CFAP299: variants seen among roughly 807,000 people sequenced by gnomAD.
The protein encoded by CFAP299 is cilia- and flagella-associated protein 299.
CFAP299 carries 21 observed loss-of-function variants against 27.0 expected under a neutral mutation model. The observed-to-expected ratio is 0.78, with a 90% CI of 0.55 to 1.12. The LOEUF (loss-of-function observed/expected upper bound fraction) is 1.12. Ranked by LOEUF, CFAP299 falls within the 50% of genes most tolerant of loss-of-function variation. CFAP299 has a pLI of 0.00. For missense variants in CFAP299, 310 were observed against 276.6 expected (o/e 1.12, Z -0.86); for synonymous variants, 104 against 98.1 (o/e 1.06, Z -0.36).
chr4:80,482,035 A>G (rs1289873396), intron 2 of CFAP299, among the ~76,000 whole-genome samples: 1 of 152,044 alleles, frequency 6.6e-6, no homozygotes, highest in Non-Finnish European at 1.5e-5. Flanking sequence ...AAGGATTACT[A>G]TCTAAAACTG....
At chr4:80,515,685 A>G (rs1732549100) in intron 2 of CFAP299, among the ~76,000 whole-genome samples, 1 of 152,210 alleles carries the variant, frequency 6.6e-6, no homozygotes, top group Non-Finnish European at 1.5e-5. Flanking sequence ...ATTCCAATGC[A>G]TCATGGAATT....
chr4:80,594,519 T>C (rs1223254317), intron 3 of CFAP299, among the ~76,000 whole-genome samples: 8 of 152,192 alleles, frequency 5.3e-5, no homozygotes. Context: ...TTTTCTTTCC[T>C]CCTTGCCCTT....
chr4:80,386,362 A>G, intron 2 of CFAP299: 1 of 1,460,372 alleles, frequency 6.8e-7, no homozygotes, highest in Non-Finnish European at 9.3e-7. Context: ...AGCTCTGCGA[A>G]GGGCGGCTTG....
chr4:80,931,174 AGTG>A (rs1560481704), intron 4 of CFAP299, among the ~76,000 whole-genome samples: 5 of 151,958 alleles, frequency 3.3e-5, no homozygotes, highest in Non-Finnish European at 7.4e-5. Flanking sequence ...TGAGTGAGTG[AGTG>A]AGTGAGTGAG....
At chr4:80,609,846 A>G (rs972791498) in intron 3 of CFAP299, among the ~76,000 whole-genome samples, 4 of 151,994 alleles carry the variant, frequency 2.6e-5, no homozygotes, top group African/African-American at 9.7e-5. Flanking sequence ...AATTTTGTCC[A>G]GGAAAATAAT....
chr4:80,537,703 A>T (rs763177892), intron 2 of CFAP299, among the ~76,000 whole-genome samples: 35 of 152,096 alleles, frequency 2.3e-4, no homozygotes, highest in Admixed American at 4.6e-4. Context: ...GGGAGATGTT[A>T]GTTAAAAGGT....
At chr4:80,522,453 G>T (rs1732970907) in intron 2 of CFAP299, among the ~76,000 whole-genome samples, 1 of 152,014 alleles carries the variant, frequency 6.6e-6, no homozygotes, top group Non-Finnish European at 1.5e-5. Context: ...TCTGTAGGTT[G>T]CCCTTTGACT....
chr4:80,432,177 A>C (rs1471437961), intron 2 of CFAP299, among the ~76,000 whole-genome samples: 2 of 152,042 alleles, frequency 1.3e-5, no homozygotes, highest in East Asian at 3.9e-4. Context: ...TTTGAAATGG[A>C]GTCTTGCTGT....
At chr4:80,762,675 C>T (rs80125448) in intron 3 of CFAP299, among the ~76,000 whole-genome samples, 1,600 of 152,220 alleles carry the variant, frequency 0.011, 32 homozygotes, top group African/African-American at 0.035. Context: ...GAATAAAAGA[C>T]TCACTTCAGT....
At chr4:80,668,963 C>A (rs1210694242) in intron 3 of CFAP299, among the ~76,000 whole-genome samples, 2 of 151,704 alleles carry the variant, frequency 1.3e-5, no homozygotes, top group Non-Finnish European at 2.9e-5. Context: ...AATATCTTTC[C>A]AATTTTTTTG....
intron 2 of CFAP299, among the ~76,000 whole-genome samples, chr4:80,541,587 A>C (rs1346812190): frequency 6.6e-6 from 1 of 152,150 alleles, no homozygotes; most frequent in Non-Finnish European, 1.5e-5. Context: ...AGACCTACAT[A>C]GTCTTATATT....
chr4:80,595,230 G>T (rs1455154811), intron 3 of CFAP299, among the ~76,000 whole-genome samples: 1 of 151,950 alleles, frequency 6.6e-6, no homozygotes, highest in African/African-American at 2.4e-5. Context: ...TGCCAAGATT[G>T]GTTTCCTTCT....
intron 2 of CFAP299, among the ~76,000 whole-genome samples, chr4:80,523,910 AT>A (rs982361480): frequency 2.6e-5 from 4 of 151,392 alleles, no homozygotes; most frequent in African/African-American, 4.9e-5. Flanking sequence ...CATCAACTTG[AT>A]TTTTTTTTCA....
At chr4:80,618,605 G>A (rs141038043) in intron 3 of CFAP299, among the ~76,000 whole-genome samples, 65 of 152,170 alleles carry the variant, frequency 4.3e-4, no homozygotes, top group African/African-American at 1.5e-3. Flanking sequence ...GGAAACATAC[G>A]TAAAAATCAT....
intron 3 of CFAP299, among the ~76,000 whole-genome samples, chr4:80,629,058 G>A (rs892102267): frequency 1.3e-5 from 2 of 152,050 alleles, no homozygotes; most frequent in South Asian, 4.1e-4. Context: ...CCAAGATATG[G>A]AATCAACCTA....
chr4:80,371,990 C>T (rs1724171347), intron 2 of CFAP299, among the ~76,000 whole-genome samples: 1 of 152,150 alleles, frequency 6.6e-6, no homozygotes, highest in African/African-American at 2.4e-5. Flanking sequence ...TGTATCAGTC[C>T]ATTCTTGCAT....
chr4:80,495,634 TA>T (rs1356636198), intron 2 of CFAP299, among the ~76,000 whole-genome samples: 1 of 152,172 alleles, frequency 6.6e-6, no homozygotes, highest in Non-Finnish European at 1.5e-5. Context: ...CCTATCTCTA[TA>T]AAAAATTTGT....
intron 3 of CFAP299, among the ~76,000 whole-genome samples, chr4:80,690,682 A>T (rs191844108): frequency 6.6e-6 from 1 of 152,376 alleles, no homozygotes; most frequent in African/African-American, 2.4e-5. Context: ...AAGGCAAGAA[A>T]TAACTAAAAT....
In CFAP299 at chr4:80,840,286, T is replaced by C. The variant is rs182656781; in HGVS notation, c.334-29707T>C. Among the ~76,000 whole-genome samples the C allele has an allele frequency of 8.5e-5, 13 of 152,264 alleles. No homozygotes were observed. In the East Asian group the frequency reaches 1.3e-3, roughly 16 times the overall value. ...CATCAGCTACTTCTAAGGGTACATC[T>C]ATCAAAAGTGTTTACCATGATGATA... On this transcript the variant is annotated intron_variant, in intron 3 of 5. Coordinates refer to ENST00000358105, the MANE Select transcript of CFAP299 (RefSeq NM_152770.3).
Sources: allele counts gnomAD v4.1 joint callset (sites outside exome capture counted in the v4.1 genomes callset), GRCh38; gene constraint gnomAD v4.1.1; transcripts MANE v1.5; gene names NCBI Gene and HGNC (gene_info 2026-07-23, HGNC 2026-07-21).